ABCA10: variants seen among roughly 807,000 people sequenced by gnomAD.
ABCA10 encodes the protein ATP binding cassette subfamily A member 10.
Under a neutral mutation model 187.5 loss-of-function variants are expected in ABCA10, and 169 were observed. That is an observed-to-expected ratio of 0.90 (90% CI 0.80 to 1.02). The LOEUF is 1.02. Ranked by LOEUF, ABCA10 falls within the 50% of genes least tolerant of loss-of-function variation. The pLI, the probability that ABCA10 is intolerant of heterozygous loss-of-function variation, is 0.00. For missense variants in ABCA10, 1,727 were observed against 1,812.4 expected (o/e 0.95, Z 0.86); for synonymous variants, 574 against 601.8 (o/e 0.95, Z 0.68).
At chr17:69,207,484 A>G (rs1834110659) in intron 9 of ABCA10, among the ~76,000 whole-genome samples, 1 of 152,204 alleles carries the variant, frequency 6.6e-6, no homozygotes, top group South Asian at 2.1e-4. Flanking sequence ...TATGAAAACA[A>G]CAAACCCAGT....
At position 69,208,886 on chromosome 17, in the gene ABCA10, A is replaced by T. The variant is rs9908385; in HGVS notation, c.1006+5818T>A. Among the ~76,000 whole-genome samples the T allele has an allele frequency of 5.7e-3, 875 of 152,216 alleles. 6 individuals are homozygous for T. The highest frequency in any genetic ancestry group is 0.019 in the African/African-American group (792 of 41,522). On this transcript the variant is annotated intron_variant, in intron 9 of 38. Transcript: ENST00000690296. ...ACCCCACCTCTACAAAAAAATTTTT[A>T]AAAAAATTAGTCTGGTGTGGTGGCA...
At chr17:69,167,165 C>T (rs956680294) in intron 25 of ABCA10, among the ~76,000 whole-genome samples, 2 of 152,166 alleles carry the variant, frequency 1.3e-5, no homozygotes, top group African/African-American at 4.8e-5. Context: ...CTGGACAGCA[C>T]CCTTGCTAAC....
Position 69,194,512 on chromosome 17 carries a change from A to G in ABCA10, c.1235-17T>C, listed in dbSNP as rs1302351590. The stretch of plus-strand genomic sequence containing the variant: ...AAAATATGCCTGTTTTAGAATAAAA[A>G]GTGGAAATTAGATTTTGGATTATAT... On this transcript the variant is annotated splice_polypyrimidine_tract_variant and intron_variant, in intron 11 of 38. Transcript: ENST00000690296. The G allele has an allele frequency of 6.4e-7, 1 of 1,570,462 alleles. No homozygotes were observed. Among genetic ancestry groups the G allele is most frequent in the African/African-American group, 1.4e-5 (1 of 73,472 alleles).
chr17:69,175,261 C>T, intron 23 of ABCA10, 145 bp downstream of exon 23: 3 of 650,550 alleles, frequency 4.6e-6, no homozygotes, highest in Non-Finnish European at 7.4e-6. Flanking sequence ...CATGTGTTTA[C>T]TATAATCTAT....
chr17:69,242,206 A>G (rs1333710110), intron 1 of ABCA10, among the ~76,000 whole-genome samples: 1 of 152,256 alleles, frequency 6.6e-6, no homozygotes, highest in Non-Finnish European at 1.5e-5. Flanking sequence ...TCATAATCAC[A>G]TAACAATATC....
upstream of ABCA10, among the ~76,000 whole-genome samples, chr17:69,230,299 G>A (rs2074823229): frequency 6.6e-6 from 1 of 152,132 alleles, no homozygotes. Flanking sequence ...TAAATCTGTG[G>A]TGTTCTGTTA....
intron 9 of ABCA10, among the ~76,000 whole-genome samples, chr17:69,202,381 A>G (rs914272881): frequency 6.6e-6 from 1 of 152,046 alleles, no homozygotes; most frequent in Non-Finnish European, 1.5e-5. Flanking sequence ...TGTAAAATAA[A>G]AGAGAACTTT....
intron 8 of ABCA10, chr17:69,215,522 A>G (rs981296587): frequency 8.7e-6 from 2 of 229,658 alleles, no homozygotes; most frequent in Non-Finnish European, 1.7e-5. Context: ...CGTTATTCAT[A>G]ACCTCACATT....
At chr17:69,194,984 G>A (rs982268144) in intron 11 of ABCA10, among the ~76,000 whole-genome samples, 30 of 152,092 alleles carry the variant, frequency 2.0e-4, no homozygotes, top group Admixed American at 1.3e-4. Flanking sequence ...TCCTGGTACT[G>A]GTCATCATTT....
At chr17:69,190,598 C>A in intron 17 of ABCA10, 121 bp from the exon 18 acceptor site, 1 of 911,386 alleles carries the variant, frequency 1.1e-6, no homozygotes, top group Non-Finnish European at 1.5e-6. Flanking sequence ...AAAGCAATCA[C>A]AATAATCCAA....
At chr17:69,173,790 A>G (rs796254487) in intron 25 of ABCA10, among the ~76,000 whole-genome samples, 8 of 152,158 alleles carry the variant, frequency 5.3e-5, no homozygotes, top group African/African-American at 1.9e-4. Context: ...GCCTGAAGTA[A>G]TAAGTAAATT....
chr17:69,190,987 G>A (rs895774499), intron 17 of ABCA10, among the ~76,000 whole-genome samples, 189 bp downstream of exon 17: 1 of 152,008 alleles, frequency 6.6e-6, no homozygotes, highest in Non-Finnish European at 1.5e-5. Flanking sequence ...CTATATTCAT[G>A]GAAATTTTAG....
Position 69,174,726 on chromosome 17 carries a change from A to C in ABCA10, c.2929T>G (p.Trp977Gly). 1 of 1,607,366 alleles carries C rather than the reference A, an allele frequency of 6.2e-7. No homozygotes were observed. Among genetic ancestry groups the C allele is most frequent in the Non-Finnish European group, 8.5e-7 (1 of 1,177,042 alleles). Residue 977 changes from tryptophan to glycine, a missense_variant, in exon 24 of 39, where the codon TGG becomes GGG. Physicochemically the swap from Trp to Gly is radical, Grantham distance 184. Coordinates refer to ENST00000690296, the MANE Select transcript of ABCA10 (RefSeq NM_001377321.1). ...WISGLWPSAYWCGQALVDIPL... is the reference protein window; with the variant it reads ...WISGLWPSAYGCGQALVDIPL... ...ATGTCCACCAGAGCCTGTCCACACC[A>C]GTATGCTGAAGGCCAGAGGCCTGAA... is the stretch of plus-strand genomic sequence containing the variant.
At chr17:69,239,133 GGA>G (rs1272672522) in intron 1 of ABCA10, among the ~76,000 whole-genome samples, 1 of 152,146 alleles carries the variant, frequency 6.6e-6, no homozygotes, top group African/African-American at 2.4e-5. Flanking sequence ...TGTTTAAAAA[GGA>G]GAGTGGGAGT....
chr17:69,200,560 CTTTA>C (rs1005419692), intron 10 of ABCA10, among the ~76,000 whole-genome samples: 4 of 152,160 alleles, frequency 2.6e-5, no homozygotes, highest in African/African-American at 9.7e-5. Context: ...GCTCTCCCTG[CTTTA>C]TTTCTTATTT....
At chr17:69,210,847 C>CACATATATATATAT (rs1169352704) in intron 9 of ABCA10, among the ~76,000 whole-genome samples, 4 of 37,896 alleles carry the variant, frequency 1.1e-4, no homozygotes, top group African/African-American at 2.3e-4. Context: ...ATTTATGCCA[C>CACATATATATATAT]ATATATATAT....
rs1274571697 is a variant in ABCA10, at chr17:69,148,230, TTGAATA to T, written c.*591_*596del. Reference sequence around the variant, plus strand: ...TGAAAAAGGATCCATAAAAAATACATTGAATATAAGTTGGCTAAAGAAAATATTAAC... The same window carrying T: ...TGAAAAAGGATCCATAAAAAATACATTAAGTTGGCTAAAGAAAATATTAAC... On this transcript the variant is annotated 3_prime_UTR_variant, in exon 39 of 39. Coordinates refer to ENST00000690296, the MANE Select transcript of ABCA10 (RefSeq NM_001377321.1). 1 of 152,232 alleles carries T rather than the reference TTGAATA, an allele frequency of 6.6e-6. No individual in the cohort carries two copies. Among genetic ancestry groups the T allele is most frequent in the Non-Finnish European group, 1.5e-5 (1 of 68,084 alleles). The allele number at this position is 152,232 out of a possible 1,614,324, so 9.4% of individuals were successfully genotyped here.
In ABCA10 at chr17:69,185,518, G is replaced by A. The variant is rs1023554791; in HGVS notation, c.2456C>T (p.Pro819Leu). Residue 819 changes from proline (P) to leucine (L), a missense_variant, in exon 20 of 39, where the codon CCG becomes CTG. Transcript: ENST00000690296. ...TAACAGGCTGGTAAGAGGCGTCTTC[G>A]GGATTTGTTCCAGAGAAAGGAAATA... ...SMYFLSLEQI[P>L]KTPLTSLLIV... The A allele has an allele frequency of 6.2e-6, 10 of 1,613,376 alleles. No homozygotes were observed. The highest frequency in any genetic ancestry group is 2.2e-5 in the East Asian group (1 of 44,846).
chr17:69,149,111 T>C (rs1474030567), intron 37 of ABCA10, 23 bp from the exon 38 acceptor site: 1 of 1,612,966 alleles, frequency 6.2e-7, no homozygotes, highest in Non-Finnish European at 8.5e-7. Flanking sequence ...AGACTGACAT[T>C]AGTGGCTTAT....
Sources: allele counts gnomAD v4.1 joint callset (sites outside exome capture counted in the v4.1 genomes callset), GRCh38; gene constraint gnomAD v4.1.1; transcripts MANE v1.5; gene names NCBI Gene and HGNC (gene_info 2026-07-23, HGNC 2026-07-21).